PHTF1: variants seen among roughly 807,000 people sequenced by gnomAD.
PHTF1 encodes protein PHTF1.
PHTF1 carries 88 observed loss-of-function variants against 102.4 expected under a neutral mutation model. That is an observed-to-expected ratio of 0.86 (90% CI 0.72 to 1.03). PHTF1 has a LOEUF of 1.03. Among genes scored for constraint, PHTF1 ranks in the 50% least tolerant of loss-of-function variants. The probability of loss-of-function intolerance (pLI) is 0.00; values close to 1 mark genes in which losing one functional copy is unlikely to be tolerated. For missense variants in PHTF1, 814 were observed against 909.5 expected (o/e 0.89, Z 1.35); for synonymous variants, 289 against 305.2 (o/e 0.95, Z 0.55).
Position 113,705,178 on chromosome 1 carries a change from G to A in PHTF1, c.1672-381C>T, listed in dbSNP as rs187790746. The stretch of plus-strand genomic sequence containing the variant: ...TCTGGGGCTGGGCATGGTGGCTCAC[G>A]CCCTGTAATCCCAGCACTTTGGGAG... On this transcript the variant is annotated intron_variant, in intron 13 of 18. Coordinates refer to ENST00000369604, the MANE Select transcript of PHTF1 (RefSeq NM_001323043.2). Among the ~76,000 whole-genome samples the A allele has an allele frequency of 2.0e-3, 304 of 152,198 alleles. 3 individuals are homozygous for A. In the South Asian group the frequency reaches 0.02, roughly 10 times the overall value.
intron 3 of PHTF1, among the ~76,000 whole-genome samples, chr1:113,744,681 T>C (rs1656932999): frequency 6.6e-6 from 1 of 152,170 alleles, no homozygotes; most frequent in Non-Finnish European, 1.5e-5. Context: ...GAAACACATA[T>C]GATCATGCCT....
intron 3 of PHTF1, among the ~76,000 whole-genome samples, chr1:113,745,856 C>A (rs745847249): frequency 6.6e-6 from 1 of 152,102 alleles, no homozygotes; most frequent in South Asian, 2.1e-4. Flanking sequence ...GTGAGCTGTA[C>A]AATTATTTCA....
At chr1:113,741,001 A>T (rs1381920014) in intron 3 of PHTF1, among the ~76,000 whole-genome samples, 1 of 152,198 alleles carries the variant, frequency 6.6e-6, no homozygotes, top group Non-Finnish European at 1.5e-5. Context: ...ACTACACTCT[A>T]ATCTGGGTGA....
At chr1:113,729,433 A>G (rs145860100) in intron 5 of PHTF1, among the ~76,000 whole-genome samples, 47 of 152,334 alleles carry the variant, frequency 3.1e-4, no homozygotes, top group African/African-American at 1.1e-3. Context: ...ACAAAGGATA[A>G]ATGCTTGAGA....
chr1:113,707,752 T>G (rs9728096), intron 11 of PHTF1, among the ~76,000 whole-genome samples: 6,124 of 152,264 alleles, frequency 0.04, 436 homozygotes, highest in African/African-American at 0.14. Flanking sequence ...TAGATGTCCT[T>G]GCTATCAAGG....
At chr1:113,746,010 T>C (rs1485766294) in intron 3 of PHTF1, among the ~76,000 whole-genome samples, 2 of 152,212 alleles carry the variant, frequency 1.3e-5, no homozygotes. Flanking sequence ...GGTTGGGGAC[T>C]GCTGGACTAT....
chr1:113,698,530 C>A, intron 17 of PHTF1, 143 bp from the exon 18 acceptor site: 1 of 638,460 alleles, frequency 1.6e-6, no homozygotes. Context: ...TTCAAAAAAT[C>A]CATAACGTGT....
chr1:113,711,238 T>C (rs1057479563), intron 10 of PHTF1, among the ~76,000 whole-genome samples: 1 of 152,152 alleles, frequency 6.6e-6, no homozygotes, highest in Admixed American at 6.5e-5. Flanking sequence ...CCAACATAAA[T>C]ATGAAAGTTA....
intron 7 of PHTF1, among the ~76,000 whole-genome samples, chr1:113,717,700 T>C (rs936210231): frequency 2.0e-5 from 3 of 152,078 alleles, no homozygotes; most frequent in Admixed American, 6.5e-5. Context: ...AGGCACTTCT[T>C]ACATGGTGGC....
chr1:113,709,572 A>G (rs1344679083), intron 11 of PHTF1, among the ~76,000 whole-genome samples: 2 of 152,242 alleles, frequency 1.3e-5, no homozygotes, highest in East Asian at 1.9e-4. Flanking sequence ...TTCCAGCTCC[A>G]GAAGTATTTA....
At chr1:113,737,154 T>C (rs1043555040) in intron 5 of PHTF1, among the ~76,000 whole-genome samples, 2 of 152,196 alleles carry the variant, frequency 1.3e-5, no homozygotes, top group Admixed American at 1.3e-4. Context: ...CTTGGTGACA[T>C]ATTACATGTG....
At chr1:113,752,380 C>T (rs1319634223) in intron 3 of PHTF1, among the ~76,000 whole-genome samples, 3 of 115,582 alleles carry the variant, frequency 2.6e-5, no homozygotes, top group African/African-American at 1.0e-4. Context: ...TCATTTGTTA[C>T]TGTAATTTTT....
At chr1:113,748,963 C>T (rs756174060) in intron 3 of PHTF1, among the ~76,000 whole-genome samples, 1 of 152,180 alleles carries the variant, frequency 6.6e-6, no homozygotes, top group Non-Finnish European at 1.5e-5. Flanking sequence ...ACAACATATT[C>T]TGAAGTGGAT....
intron 7 of PHTF1, among the ~76,000 whole-genome samples, chr1:113,722,472 T>C (rs1052389929): frequency 2.0e-5 from 3 of 152,038 alleles, no homozygotes; most frequent in Admixed American, 1.3e-4. Flanking sequence ...GCAAAAAATA[T>C]GGAAAGATAT....
chr1:113,729,118 A>G (rs1654258149), intron 5 of PHTF1, among the ~76,000 whole-genome samples: 1 of 152,216 alleles, frequency 6.6e-6, no homozygotes, highest in Non-Finnish European at 1.5e-5. Flanking sequence ...GTCATTTGCA[A>G]CAACATGGAT....
At chr1:113,707,173 C>T (rs1650342606) in intron 11 of PHTF1, among the ~76,000 whole-genome samples, 1 of 151,966 alleles carries the variant, frequency 6.6e-6, no homozygotes, top group South Asian at 2.1e-4. Flanking sequence ...ATTTCTAGAG[C>T]TACGAGATTA....
intron 5 of PHTF1, among the ~76,000 whole-genome samples, chr1:113,733,586 T>C (rs1005662562): frequency 6.6e-6 from 1 of 152,036 alleles, no homozygotes; most frequent in Non-Finnish European, 1.5e-5. Flanking sequence ...CTCTCATGAA[T>C]GAGATTAGTA....
intron 3 of PHTF1, among the ~76,000 whole-genome samples, chr1:113,740,278 G>A (rs919129982): frequency 2.0e-5 from 3 of 151,958 alleles, no homozygotes; most frequent in East Asian, 1.9e-4. Flanking sequence ...TTAGGTTGAC[G>A]TGGTATCTCA....
chr1:113,712,633 T>C (rs1208930973), intron 8 of PHTF1, among the ~76,000 whole-genome samples: 3 of 152,214 alleles, frequency 2.0e-5, no homozygotes, highest in African/African-American at 4.8e-5. Context: ...GTTTTAGACA[T>C]AGAGCAGACC....
Sources: allele counts gnomAD v4.1 joint callset (sites outside exome capture counted in the v4.1 genomes callset), GRCh38; gene constraint gnomAD v4.1.1; transcripts MANE v1.5; gene names NCBI Gene and HGNC (gene_info 2026-07-23, HGNC 2026-07-21).